CPEB3: variants seen among roughly 807,000 people sequenced by gnomAD.
CPEB3 encodes the protein cytoplasmic polyadenylation element binding protein 3.
CPEB3 carries 20 observed loss-of-function variants against 67.2 expected under a neutral mutation model. The observed-to-expected ratio is 0.30, with a 90% CI of 0.21 to 0.43. The LOEUF is 0.43. Ranked by LOEUF, CPEB3 falls within the 20% of genes least tolerant of loss-of-function variation. CPEB3 has a pLI of 1.00. For synonymous variants in CPEB3, 376 were observed against 393.1 expected (o/e 0.96, Z 0.51); for missense variants, 746 against 968.6 (o/e 0.77, Z 3.05).
At chr10:92,115,051 C>T (rs1264982980) in intron 6 of CPEB3, among the ~76,000 whole-genome samples, 2 of 152,348 alleles carry the variant, frequency 1.3e-5, no homozygotes, top group East Asian at 3.9e-4. Flanking sequence ...CCCCGGCGGC[C>T]GCGGGCGCGG....
chr10:92,171,181 C>T (rs768034889), intron 4 of CPEB3, among the ~76,000 whole-genome samples: 8 of 152,146 alleles, frequency 5.3e-5, no homozygotes, highest in Non-Finnish European at 1.0e-4. Context: ...CTGGACATTT[C>T]GGAAGGGCTG....
At chr10:92,109,892 G>T (rs1844650459) in intron 7 of CPEB3, among the ~76,000 whole-genome samples, 1 of 152,158 alleles carries the variant, frequency 6.6e-6, no homozygotes, top group Admixed American at 6.5e-5. Flanking sequence ...CCATATAGCT[G>T]AGTTCTAATC....
intron 1 of CPEB3, among the ~76,000 whole-genome samples, chr10:92,259,359 T>C (rs1272611234): frequency 6.6e-6 from 1 of 151,826 alleles, no homozygotes; most frequent in Non-Finnish European, 1.5e-5. Flanking sequence ...CCCAGCACTT[T>C]GGGAAGCCGA....
intron 1 of CPEB3, among the ~76,000 whole-genome samples, chr10:92,290,620 C>G (rs942129073): frequency 6.6e-6 from 1 of 152,166 alleles, no homozygotes; most frequent in Non-Finnish European, 1.5e-5. Context: ...TGGAAGCTGT[C>G]TGGTCCAGGC....
intron 2 of CPEB3, among the ~76,000 whole-genome samples, chr10:92,228,202 A>G (rs1227136088): frequency 6.6e-6 from 1 of 152,202 alleles, no homozygotes; most frequent in Non-Finnish European, 1.5e-5. Flanking sequence ...ATTGCTTTAA[A>G]TAATGATGTG....
chr10:92,185,684 A>T (rs7090737), intron 3 of CPEB3, among the ~76,000 whole-genome samples: 108,610 of 152,064 alleles, frequency 0.71, 39,811 homozygotes, highest in African/African-American at 0.87. Flanking sequence ...AGGCAAGTAC[A>T]TCAGAAAGCT....
At chr10:92,147,348 G>A (rs1056085780) in intron 4 of CPEB3, among the ~76,000 whole-genome samples, 5 of 152,012 alleles carry the variant, frequency 3.3e-5, no homozygotes, top group African/African-American at 1.2e-4. Flanking sequence ...TCCAGCTACT[G>A]GGGAAGCTGA....
chr10:92,155,287 T>C (rs1847155438), intron 4 of CPEB3, among the ~76,000 whole-genome samples: 1 of 152,174 alleles, frequency 6.6e-6, no homozygotes, highest in African/African-American at 2.4e-5. Context: ...TCCTTAATCA[T>C]AGGTAGAGGG....
In CPEB3 at chr10:92,192,498, T is replaced by C. The variant is rs774076302; in HGVS notation, c.1144A>G (p.Met382Val). The C allele has an allele frequency of 8.1e-6, 13 of 1,613,914 alleles. No homozygotes were observed. Among genetic ancestry groups the C allele is most frequent in the South Asian group, 2.2e-5 (2 of 91,024 alleles). ...SGPPMSFADI[M>V]WRNHFAGRMG... Reference sequence around the variant, plus strand: ...TAACCTGCAAAATGATTCCTCCACATTATATCAGCGAAACTCATTGGTGGG... The same window carrying C: ...TAACCTGCAAAATGATTCCTCCACACTATATCAGCGAAACTCATTGGTGGG... The change falls in exon 3 of 10, where the codon ATG becomes GTG. Residue 382 changes from methionine to valine, a missense_variant. Physicochemically the swap from Met to Val is conservative, Grantham distance 21 (BLOSUM62 1). Transcript: ENST00000265997.
In CPEB3 at chr10:92,132,715, T is replaced by C. The variant is rs567151533; in HGVS notation, c.1453+10314A>G. On this transcript the variant is annotated intron_variant, in intron 6 of 9. Transcript: ENST00000265997. ...CCACCCCAAATCAACAGAACATACG[T>C]TCTTGTCAGCGCCACATCACACTCA... Among the ~76,000 whole-genome samples, 26 of 152,178 alleles carry C rather than the reference T, an allele frequency of 1.7e-4. No homozygotes were observed. The East Asian group carries it at 2.1e-3, about 12-fold the overall frequency.
chr10:92,273,162 T>C (rs990832731), intron 1 of CPEB3, among the ~76,000 whole-genome samples: 6 of 152,172 alleles, frequency 3.9e-5, no homozygotes, highest in Admixed American at 6.5e-5. Flanking sequence ...TGTAAATATA[T>C]TGGCTCAGAT....
chr10:92,080,284 T>C (rs964178667), intron 9 of CPEB3, among the ~76,000 whole-genome samples: 7 of 152,068 alleles, frequency 4.6e-5, no homozygotes, highest in African/African-American at 1.4e-4. Flanking sequence ...AGATTGGCTC[T>C]TACTGCCTTC....
chr10:92,263,359 G>A (rs375640296), intron 1 of CPEB3, among the ~76,000 whole-genome samples: 3 of 152,230 alleles, frequency 2.0e-5, no homozygotes, highest in South Asian at 4.1e-4. Flanking sequence ...TACGGGCCTC[G>A]TGAGCCACTG....
chr10:92,059,892 G>C (rs1164986925), intron 9 of CPEB3, among the ~76,000 whole-genome samples: 3 of 151,128 alleles, frequency 2.0e-5, no homozygotes, highest in Non-Finnish European at 4.4e-5. Context: ...GGGAGGCGGA[G>C]GTTGCAGTGA....
At chr10:92,064,162 T>A (rs1054388444) in intron 9 of CPEB3, among the ~76,000 whole-genome samples, 4 of 152,018 alleles carry the variant, frequency 2.6e-5, no homozygotes, top group Non-Finnish European at 5.9e-5. Context: ...AGGAAAACAA[T>A]GAACTTGAGG....
chr10:92,166,613 T>C (rs889749452), intron 4 of CPEB3, among the ~76,000 whole-genome samples: 11 of 152,208 alleles, frequency 7.2e-5, no homozygotes, highest in African/African-American at 1.2e-4. Context: ...GGTTTTAAAA[T>C]ATTCAGTAAA....
At chr10:92,258,625 AATATATATAT>A (rs56316802) in intron 1 of CPEB3, among the ~76,000 whole-genome samples, 512 of 32,700 alleles carry the variant, frequency 0.016, 6 homozygotes, top group African/African-American at 0.039. Flanking sequence ...ATATTTTTTG[AATATATATAT>A]ATATATATAT....
chr10:92,061,808 T>C (rs1373121762), intron 9 of CPEB3, among the ~76,000 whole-genome samples: 1 of 152,214 alleles, frequency 6.6e-6, no homozygotes, highest in Admixed American at 6.5e-5. Context: ...AACTTAATTG[T>C]ATATTAAAAT....
intron 8 of CPEB3, among the ~76,000 whole-genome samples, chr10:92,083,960 G>T (rs1305400064): frequency 2.0e-5 from 3 of 152,062 alleles, no homozygotes; most frequent in Admixed American, 2.0e-4. Context: ...AAGGTGGGCG[G>T]ATCTTGAGGT....
Sources: allele counts gnomAD v4.1 joint callset (sites outside exome capture counted in the v4.1 genomes callset), GRCh38; gene constraint gnomAD v4.1.1; transcripts MANE v1.5; gene names NCBI Gene and HGNC (gene_info 2026-07-23, HGNC 2026-07-21).